Variants in BICD1 observed in about 807,000 individuals in gnomAD.
The protein encoded by BICD1 is protein bicaudal D homolog 1.
In BICD1, 35 loss-of-function variants were observed where a neutral mutation model predicts 92.5. That is an observed-to-expected ratio of 0.38 (90% confidence interval 0.29 to 0.50). The LOEUF (loss-of-function observed/expected upper bound fraction) is 0.50. Among genes scored for constraint, BICD1 ranks in the 20% least tolerant of loss-of-function variants. The pLI, the probability that BICD1 is intolerant of heterozygous loss-of-function variation, is 0.93. For missense variants in BICD1, 950 were observed against 1,189.8 expected (o/e 0.80, Z 2.97); for synonymous variants, 429 against 465.1 (o/e 0.92, Z 1.00).
At chr12:32,339,863 G>A in intron 8 of BICD1, 1 of 961,158 alleles carries the variant, frequency 1.0e-6, no homozygotes, top group Non-Finnish European at 1.2e-6. Flanking sequence ...ATGAACATCA[G>A]TATTTCTGGC....
intron 8 of BICD1, among the ~76,000 whole-genome samples, chr12:32,347,675 C>G (rs1215535338): frequency 6.6e-6 from 1 of 151,694 alleles, no homozygotes; most frequent in Non-Finnish European, 1.5e-5. Flanking sequence ...CCTATATACC[C>G]TTTTCATACA....
At chr12:32,226,388 CCTCCCAAAGTG>C (rs1174105446) in intron 2 of BICD1, among the ~76,000 whole-genome samples, 2 of 152,228 alleles carry the variant, frequency 1.3e-5, no homozygotes, top group Admixed American at 6.5e-5. Flanking sequence ...CCTGTCTCGG[CCTCCCAAAGTG>C]CTTGGATTAC....
chr12:32,135,223 G>A (rs1248463225), intron 1 of BICD1, among the ~76,000 whole-genome samples: 1 of 151,608 alleles, frequency 6.6e-6, no homozygotes, highest in Non-Finnish European at 1.5e-5. Context: ...TGAGTAGCTG[G>A]GATTACAGGT....
At chr12:32,238,762 T>C (rs550590279) in intron 2 of BICD1, among the ~76,000 whole-genome samples, 60 of 149,642 alleles carry the variant, frequency 4.0e-4, no homozygotes, top group African/African-American at 1.4e-3. Flanking sequence ...CTGGCTAACA[T>C]GCTGAAACCC....
At chr12:32,320,323 T>C (rs1014378314) in intron 4 of BICD1, among the ~76,000 whole-genome samples, 1 of 152,094 alleles carries the variant, frequency 6.6e-6, no homozygotes, top group African/African-American at 2.4e-5. Context: ...CTGGGCTGCA[T>C]AGAGAGACCC....
intron 4 of BICD1, among the ~76,000 whole-genome samples, chr12:32,314,761 GT>G (rs57360088): frequency 0.31 from 45,000 of 146,872 alleles, 6,997 homozygotes; most frequent in East Asian, 0.6. Context: ...GTACAAAGGA[GT>G]TTTTTTTTTT....
At chr12:32,343,836 T>C (rs1565685576) in intron 8 of BICD1, among the ~76,000 whole-genome samples, 1 of 152,236 alleles carries the variant, frequency 6.6e-6, no homozygotes, top group Non-Finnish European at 1.5e-5. Context: ...TTGAGATATA[T>C]AGTCAACAGT....
chr12:32,251,305 C>T (rs1946514986), intron 2 of BICD1, among the ~76,000 whole-genome samples: 1 of 152,128 alleles, frequency 6.6e-6, no homozygotes, highest in Non-Finnish European at 1.5e-5. Context: ...CCTCAACCTC[C>T]AGTCCCATGC....
chr12:32,133,958 T>G (rs973729366), intron 1 of BICD1, among the ~76,000 whole-genome samples: 2 of 152,092 alleles, frequency 1.3e-5, no homozygotes, highest in African/African-American at 4.8e-5. Context: ...ATTTTTTGTA[T>G]TTTTAGTAGA....
chr12:32,369,831 G>A (rs1313259541), intron 9 of BICD1, among the ~76,000 whole-genome samples: 1 of 151,914 alleles, frequency 6.6e-6, no homozygotes, highest in South Asian at 2.1e-4. Context: ...ACTTGAGCTC[G>A]GGAGGTCAAG....
chr12:32,117,986 G>A (rs1461416493), intron 1 of BICD1, among the ~76,000 whole-genome samples: 1 of 151,596 alleles, frequency 6.6e-6, no homozygotes, highest in Non-Finnish European at 1.5e-5. Flanking sequence ...CTGACCTCAG[G>A]TGATCTGCTC....
Position 32,153,020 on chromosome 12 carries a change from A to G in BICD1, c.213+45476A>G, listed in dbSNP as rs60544911. Among the ~76,000 whole-genome samples the G allele has an allele frequency of 4.0e-3, 608 of 152,276 alleles. 6 individuals are homozygous for G. Among genetic ancestry groups the G allele is most frequent in the African/African-American group, 0.014 (594 of 41,562 alleles). On this transcript the variant is annotated intron_variant, in intron 1 of 9. Transcript: ENST00000652176. ...TTGGGTATGAATGGTCCCATCACCC[A>G]GACACTGAGCATAGTATACAGTAGT...
At chr12:32,155,290 A>G (rs1375990531) in intron 1 of BICD1, among the ~76,000 whole-genome samples, 1 of 152,228 alleles carries the variant, frequency 6.6e-6, no homozygotes, top group Non-Finnish European at 1.5e-5. Flanking sequence ...AAATGCATCC[A>G]TCCCTGGAGT....
At position 32,305,880 on chromosome 12, in the gene BICD1, TATATCAGCCTCAATGATAACC is replaced by T; in HGVS notation, c.772_792del (p.Leu258_Ser264del). Reference sequence around the variant, plus strand: ...CAACCTGCGGAAGGAGCTCTCCCAGTATATCAGCCTCAATGATAACCATATCAGCATCTCAGTAGATGGACT... The same window carrying T: ...CAACCTGCGGAAGGAGCTCTCCCAGTATATCAGCATCTCAGTAGATGGACT... On this transcript the variant is annotated inframe_deletion, in exon 4 of 10. Transcript: ENST00000652176. 1 of 1,614,158 alleles carries T rather than the reference TATATCAGCCTCAATGATAACC, an allele frequency of 6.2e-7. No homozygotes were observed. Among genetic ancestry groups the T allele is most frequent in the Non-Finnish European group, 8.5e-7 (1 of 1,180,024 alleles).
At chr12:32,302,302 T>C (rs1948075880) in intron 3 of BICD1, among the ~76,000 whole-genome samples, 1 of 152,208 alleles carries the variant, frequency 6.6e-6, no homozygotes, top group Admixed American at 6.5e-5. Flanking sequence ...ACAAGCCAAA[T>C]AAAGCACATC....
At chr12:32,259,073 A>C (rs1417984603) in intron 2 of BICD1, among the ~76,000 whole-genome samples, 1 of 152,168 alleles carries the variant, frequency 6.6e-6, no homozygotes, top group African/African-American at 2.4e-5. Flanking sequence ...GGGAGCCCTC[A>C]AGTGGCCCTT....
chr12:32,110,815 C>T (rs1466934829), intron 1 of BICD1, among the ~76,000 whole-genome samples: 2 of 128,762 alleles, frequency 1.6e-5, no homozygotes, highest in African/African-American at 6.1e-5. Context: ...GGAAGGGGAA[C>T]ATCACACTCT....
At chr12:32,194,535 A>T (rs1009571555) in intron 1 of BICD1, among the ~76,000 whole-genome samples, 1 of 152,254 alleles carries the variant, frequency 6.6e-6, no homozygotes, top group South Asian at 2.1e-4. Flanking sequence ...ATTTCTGTAT[A>T]CTGACAACTA....
At chr12:32,165,290 C>T (rs958193203) in intron 1 of BICD1, among the ~76,000 whole-genome samples, 8 of 151,934 alleles carry the variant, frequency 5.3e-5, no homozygotes, top group Non-Finnish European at 1.0e-4. Context: ...CCGAGGCGGG[C>T]GGATCACGAG....
Sources: allele counts gnomAD v4.1 joint callset (sites outside exome capture counted in the v4.1 genomes callset), GRCh38; gene constraint gnomAD v4.1.1; transcripts MANE v1.5; gene names NCBI Gene and HGNC (gene_info 2026-07-23, HGNC 2026-07-21).